Variants in SIDT2 observed in about 807,000 individuals in gnomAD.
The protein encoded by SIDT2 is SID1 transmembrane family member 2, also known as SID1 transmembrane family, member 2.
A neutral mutation model predicts 114.4 loss-of-function variants in SIDT2; 68 were observed. That is an observed-to-expected ratio of 0.59 (90% CI 0.49 to 0.73). The LOEUF (loss-of-function observed/expected upper bound fraction) is 0.73, where lower values mean the gene tolerates loss of function less well. SIDT2 is among the 30% of genes least tolerant of loss of function. The pLI is 0.00. For synonymous variants in SIDT2, 470 were observed against 438.4 expected, an observed-to-expected ratio of 1.07 and a Z score of -0.90; for missense variants, 918 against 1,097.1, an observed-to-expected ratio of 0.84 and a Z score of 2.31.
chr11:117,194,981 G>A (rs903674974), intron 24 of SIDT2, among the ~76,000 whole-genome samples: 1 of 150,194 alleles, frequency 6.7e-6, no homozygotes, highest in Non-Finnish European at 1.5e-5. Flanking sequence ...CAGCTACTCG[G>A]GAGGCAGAGG....
chr11:117,178,970 G>T lies in SIDT2; in HGVS notation c.-294G>T. 1 of 353,660 alleles carries T rather than the reference G, an allele frequency of 2.8e-6. No homozygotes were observed. Among genetic ancestry groups the T allele is most frequent in the South Asian group, 4.8e-5 (1 of 20,868 alleles). 21.9% of individuals were successfully genotyped at this position (353,660 alleles called of 1,614,324 possible). ...CCCTCCTTCTCACGGCCCTGGCCCG[G>T]GGCTCCAGGGTCTCAGGTCGTACTC... On this transcript the variant is annotated 5_prime_UTR_variant, in exon 1 of 26. Transcript: ENST00000324225.
At chr11:117,195,115 G>A (rs1464311669) in intron 24 of SIDT2, among the ~76,000 whole-genome samples, 623 of 33,646 alleles carry the variant, frequency 0.019, no homozygotes, top group Non-Finnish European at 0.04. Flanking sequence ...AAAAAAAAAA[G>A]TCTTGGGTAA....
chr11:117,186,689 GGGT>G, intron 10 of SIDT2, 53 bp downstream of exon 10: 1 of 1,505,466 alleles, frequency 6.6e-7, no homozygotes, highest in Non-Finnish European at 8.9e-7. Context: ...GTGTTTTGGG[GGGT>G]GGTGGTGGAT....
Position 117,192,443 on chromosome 11 carries a change from T to A in SIDT2, c.1981+81T>A. The A allele has an allele frequency of 1.4e-6, 2 of 1,404,270 alleles. No individual in the cohort carries two copies. Among genetic ancestry groups the A allele is most frequent in the Non-Finnish European group, 2.0e-6 (2 of 1,000,002 alleles). 87.0% of individuals were successfully genotyped at this position (1,404,270 alleles called of 1,614,324 possible). ...CCGGACGCACGGGAGACGCTCAGGTTCTGTCTTGGGGGCCCTGGAGTCACT... is the reference window on the plus strand; with the variant it reads ...CCGGACGCACGGGAGACGCTCAGGTACTGTCTTGGGGGCCCTGGAGTCACT... On this transcript the variant is annotated intron_variant, in intron 20 of 25. Coordinates refer to ENST00000324225, the MANE Select transcript of SIDT2 (RefSeq NM_001040455.2). This position sits in a 1 kb window ranked among gnomAD's most constrained non-coding sequence, Gnocchi z 5.9.
chr11:117,189,045 C>A, intron 13 of SIDT2, 124 bp from the exon 14 acceptor site: 1 of 1,102,212 alleles, frequency 9.1e-7, no homozygotes. Flanking sequence ...AGTGGGATGT[C>A]CTTGAACCCT....
rs752428449 is a variant in SIDT2 at position 117,187,406 on chromosome 11, T to G, written c.1044T>G (p.Phe348Leu). The G allele has an allele frequency of 2.5e-6, 4 of 1,613,972 alleles. No homozygotes were observed. Among genetic ancestry groups the G allele is most frequent in the Non-Finnish European group, 3.4e-6 (4 of 1,180,014 alleles). Residue 348 changes from phenylalanine (F) to leucine (L), a missense_variant, in exon 11 of 26, where the codon TTT (phenylalanine) becomes TTG (leucine). Physicochemically the swap from Phe to Leu is conservative, Grantham distance 22. Transcript: ENST00000324225. ...ACCCTCGAGTCCTGGCTGATTCTTT[T>G]CCTGGCAGTTCCCCTTATGAGGGTT... is the stretch of plus-strand genomic sequence containing the variant. ...SGHPRVLADSFPGSSPYEGYN... is the reference protein window; with the variant it reads ...SGHPRVLADSLPGSSPYEGYN...
chr11:117,191,533 G>A (rs1349683302), intron 18 of SIDT2: 4 of 249,232 alleles, frequency 1.6e-5, no homozygotes, highest in Non-Finnish European at 3.1e-5. Flanking sequence ...GCAGTGAGCC[G>A]AGATCCCACC....
chr11:117,193,099 GC>G, intron 22 of SIDT2, 53 bp from the exon 23 acceptor site: 1 of 1,552,024 alleles, frequency 6.4e-7, no homozygotes, highest in African/African-American at 1.4e-5. Flanking sequence ...GGCAGGAAGA[GC>G]ACTTCCTTGC....
Position 117,181,722 on chromosome 11 carries a change from CG to C in SIDT2, c.306-81del, listed in dbSNP as rs1469855344. On this transcript the variant is annotated intron_variant, in intron 2 of 25. Coordinates refer to ENST00000324225, the MANE Select transcript of SIDT2 (RefSeq NM_001040455.2). ...TCGCAGGGAGGTGGTGGAGACCAGA[CG>C]GGGCGAGGTGGGGCCTCGCTCCTCT... The C allele has an allele frequency of 2.5e-6, 4 of 1,589,760 alleles. No homozygotes were observed. The Middle Eastern group carries it at 5.1e-4, about 201-fold the overall frequency.
rs960958366 is a variant in SIDT2 at position 117,188,097 on chromosome 11, G to C, written c.1159+398G>C. ...AATTGCCCGCTCTTGTGTCTTCTGA[G>C]ATAGCAGCAGAGCACAGGCTCCTTT... On this transcript the variant is annotated intron_variant, in intron 12 of 25. Transcript: ENST00000324225. The surrounding 1 kb of genome is among the most constrained non-coding windows in gnomAD (Gnocchi z 4.0). 2 of 421,174 alleles carry C rather than the reference G, an allele frequency of 4.7e-6. No individual in the cohort carries two copies. The highest frequency in any genetic ancestry group is 5.4e-5 in the Admixed American group (2 of 36,876). 26.1% of individuals were successfully genotyped at this position (421,174 alleles called of 1,614,324 possible).
Position 117,179,149 on chromosome 11 carries a change from G to A in SIDT2, c.-115G>A. ...ATCTCAGGCCGGGGTTAAAGTTCTG[G>A]TCCTGGTGAGATGCTGGAAGCTGCG... On this transcript the variant is annotated 5_prime_UTR_variant, in exon 1 of 26. Coordinates refer to ENST00000324225, the MANE Select transcript of SIDT2 (RefSeq NM_001040455.2). The A allele has an allele frequency of 1.0e-6, 1 of 987,204 alleles. No individual in the cohort carries two copies. Among genetic ancestry groups the A allele is most frequent in the Admixed American group, 2.6e-5 (1 of 38,730 alleles). The allele number at this position is 987,204 out of a possible 1,614,324, so 61.2% of individuals were successfully genotyped here.
intron 6 of SIDT2, 93 bp downstream of exon 6, chr11:117,182,899 A>G: frequency 1.5e-6 from 2 of 1,362,648 alleles, no homozygotes; most frequent in Admixed American, 2.1e-5. Flanking sequence ...GCCCATTCCT[A>G]TCCTACACAC....
chr11:117,190,898 A>G lies in SIDT2; in HGVS notation c.1735+158A>G, dbSNP rs1050302261. The stretch of plus-strand genomic sequence containing the variant: ...GTGCACACATCCTAGCCTATGGAAC[A>G]TGGGCACCTAGATGCTGCTTCATTC... On this transcript the variant is annotated intron_variant, in intron 18 of 25. Transcript: ENST00000324225. The surrounding 1 kb of genome is among the most constrained non-coding windows in gnomAD (Gnocchi z 4.1). The G allele has an allele frequency of 3.3e-6, 2 of 603,924 alleles. No homozygotes were observed. The highest frequency in any genetic ancestry group is 4.0e-5 in the South Asian group (2 of 49,948). The allele number at this position is 603,924 out of a possible 1,614,324, so 37.4% of individuals were successfully genotyped here. A position where few individuals can be genotyped will look rare whatever the true frequency, so the allele number is the denominator to read the frequency against.
chr11:117,183,820 G>T lies in SIDT2; in HGVS notation c.744G>T (p.Val248=). The part of the protein sequence containing the change: ...FPSNSFYVVV[V]VKTEDQACGG... ...GCAACAGCTTTTATGTGGTGGTGGT[G>T]GTGAAGACCGAAGACCAAGCCTGCG... The change falls in exon 7 of 26, where the codon GTG becomes GTT. Residue 248 remains valine, a synonymous_variant. Transcript: ENST00000324225. 2 of 1,614,156 alleles carry T rather than the reference G, an allele frequency of 1.2e-6. No homozygotes were observed. The highest frequency in any genetic ancestry group is 1.7e-6 in the Non-Finnish European group (2 of 1,180,010).
At position 117,191,972 on chromosome 11, in the gene SIDT2, C is replaced by T. The variant is rs759389784; in HGVS notation, c.1830C>T (p.Tyr610=). Residue 610 remains tyrosine (Y), a synonymous_variant, in exon 19 of 26, where the codon TAC becomes TAT. Transcript: ENST00000324225. ...TCAACGCCAGCGCCTACAGTGCCTACGCCTGCCTGGCCATTGTCATCTTCT... is the reference window on the plus strand; with the variant it reads ...TCAACGCCAGCGCCTACAGTGCCTATGCCTGCCTGGCCATTGTCATCTTCT... ...PDINASAYSA[Y]ACLAIVIFFS... The T allele has an allele frequency of 1.7e-5, 28 of 1,614,060 alleles. No homozygotes were observed. The highest frequency in any genetic ancestry group is 1.3e-4 in the South Asian group (12 of 91,084).
chr11:117,183,876 A>G lies in SIDT2; in HGVS notation c.800A>G (p.Glu267Gly). The change falls in exon 7 of 26, where the codon GAA becomes GGA. Residue 267 changes from glutamate to glycine, a missense_variant and splice_region_variant. By Grantham distance (98) the Glu-to-Gly change is moderately conservative. Around this residue, in one of 4 missense-constraint regions of SIDT2, gnomAD observed 553 missense variants for 600.1 expected, o/e 0.92. Coordinates refer to ENST00000324225, the MANE Select transcript of SIDT2 (RefSeq NM_001040455.2). ...TCCCTGCCTTTCTACCCCTTCGCAG[A>G]AGGTACATTTTGTGCCCTGGGCCTG... Reference protein sequence around the residue: ...GGSLPFYPFAEDEPVDQGHRQ... With the variant: ...GGSLPFYPFAGDEPVDQGHRQ... 1 of 1,612,548 alleles carries G rather than the reference A, an allele frequency of 6.2e-7. No individual in the cohort carries two copies. The highest frequency in any genetic ancestry group is 8.5e-7 in the Non-Finnish European group (1 of 1,178,588).
Position 117,193,213 on chromosome 11 carries a change from C to T in SIDT2, c.2166C>T (p.Gly722=). The change falls in exon 23 of 26, where the codon GGC becomes GGT. Residue 722 remains glycine, a synonymous_variant. Transcript: ENST00000324225. ...NDFASYLLAI[G]ICNLLLYFAF... ...TCGCTTCCTACTTGTTGGCCATTGGCATCTGCAACCTGCTCCTTTACTTCG... is the reference window on the plus strand; with the variant it reads ...TCGCTTCCTACTTGTTGGCCATTGGTATCTGCAACCTGCTCCTTTACTTCG... 1 of 1,614,088 alleles carries T rather than the reference C, an allele frequency of 6.2e-7. No homozygotes were observed. Among genetic ancestry groups the T allele is most frequent in the Non-Finnish European group, 8.5e-7 (1 of 1,179,960 alleles).
intron 8 of SIDT2, among the ~76,000 whole-genome samples, chr11:117,184,464 A>C (rs2030418301): frequency 6.6e-6 from 1 of 152,214 alleles, no homozygotes; most frequent in African/African-American, 2.4e-5. Flanking sequence ...TTTATTCTGA[A>C]GGATGTTTCT....
Position 117,183,883 on chromosome 11 carries a change from A to G in SIDT2, c.802+5A>G, listed in dbSNP as rs768768473. The G allele has an allele frequency of 1.9e-6, 3 of 1,610,704 alleles. No individual in the cohort carries two copies. The highest frequency in any genetic ancestry group is 1.3e-5 in the African/African-American group (1 of 74,916). On this transcript the variant is annotated splice_donor_5th_base_variant and intron_variant, in intron 7 of 25. Coordinates refer to ENST00000324225, the MANE Select transcript of SIDT2 (RefSeq NM_001040455.2). ...CTTTCTACCCCTTCGCAGAAGGTAC[A>G]TTTTGTGCCCTGGGCCTGGCTAGGG...
Sources: allele counts gnomAD v4.1 joint callset (sites outside exome capture counted in the v4.1 genomes callset), GRCh38; gene constraint gnomAD v4.1.1; regional missense constraint gnomAD v4.1.1; non-coding constraint Gnocchi (gnomAD v3.1); transcripts MANE v1.5; gene names NCBI Gene and HGNC (gene_info 2026-07-23, HGNC 2026-07-21).